The following LRP2 variants were observed in gnomAD, a reference collection of about 807,000 sequenced individuals.
The protein encoded by LRP2 is low-density lipoprotein receptor-related protein 2.
In LRP2, 172 loss-of-function variants were observed where a neutral mutation model predicts 531.0. The observed-to-expected ratio is 0.32, with a 90% CI of 0.29 to 0.37. The LOEUF (loss-of-function observed/expected upper bound fraction) is 0.37, where lower values mean the gene tolerates loss of function less well. Among genes scored for constraint, LRP2 ranks in the 10% least tolerant of loss-of-function variants. The probability of loss-of-function intolerance (pLI) is 1.00; values close to 1 mark genes in which losing one functional copy is unlikely to be tolerated. For missense variants in LRP2, 5,167 were observed against 5,868.3 expected (o/e 0.88, Z 3.90); for synonymous variants, 1,992 against 2,027.6 (o/e 0.98, Z 0.47).
At chr2:169,241,896 C>G (rs1689820867) in intron 24 of LRP2, among the ~76,000 whole-genome samples, 1 of 152,184 alleles carries the variant, frequency 6.6e-6, no homozygotes, top group South Asian at 2.1e-4. Context: ...CACTATTCAT[C>G]AAGCAATCCT....
In LRP2 at chr2:169,216,095, G is replaced by A. The variant is rs112163217; in HGVS notation, c.5826+158C>T. 8.5e-5 allele frequency among the ~76,000 whole-genome samples: 13 copies of A among 152,198 alleles called. 1 individual carries two copies. Among genetic ancestry groups the A allele is most frequent in the African/African-American group, 2.6e-4 (11 of 41,532 alleles). On this transcript the variant is annotated intron_variant, in intron 35 of 78. Transcript: ENST00000649046. Reference sequence around the variant, plus strand: ...TGGACTTCAGCTAGGGGCGAGGTACGTGCAAGGGAGAGAAGTTATTGGGAG... The same window carrying A: ...TGGACTTCAGCTAGGGGCGAGGTACATGCAAGGGAGAGAAGTTATTGGGAG...
At position 169,146,919 on chromosome 2, in the gene LRP2, C is replaced by G; in HGVS notation, c.12631G>C (p.Glu4211Gln). 1 of 1,613,960 alleles carries G rather than the reference C, an allele frequency of 6.2e-7. No individual in the cohort carries two copies. Among genetic ancestry groups the G allele is most frequent in the Non-Finnish European group, 8.5e-7 (1 of 1,179,950 alleles). ...WTDWGKEPKI[E>Q]SAWMNGEDRN... ...TCCTCTCCATTCATCCAGGCAGACT[C>G]GATTTTAGGTTCCTTTCCCCAGTCA... Residue 4211 changes from glutamate to glutamine, a missense_variant, in exon 69 of 79, where the codon GAG becomes CAG. Glu to Gln is a conservative substitution (Grantham distance 29, BLOSUM62 2). Around this residue, in one of 6 missense-constraint regions of LRP2, gnomAD observed 564 missense variants for 747.7 expected, o/e 0.75. Coordinates refer to ENST00000649046, the MANE Select transcript of LRP2 (RefSeq NM_004525.3).
In LRP2 at chr2:169,259,110, C is replaced by T. The variant is rs774516270; in HGVS notation, c.2428G>A (p.Val810Ile). Residue 810 changes from valine (V) to isoleucine (I), a missense_variant, in exon 17 of 79, where the codon GTC (valine) becomes ATC (isoleucine). Val to Ile is a conservative substitution (Grantham distance 29). Transcript: ENST00000649046. ...WTDSHYKSIS[V>I]MRLADKTRRT... ...CTCGTTTTATCAGCTAGCCTCATGA[C>T]ACTGATACTCTTGTAATGAGAGTCT... 1 of 1,613,096 alleles carries T rather than the reference C, an allele frequency of 6.2e-7. No homozygotes were observed. Among genetic ancestry groups the T allele is most frequent in the Non-Finnish European group, 8.5e-7 (1 of 1,179,294 alleles).
intron 4 of LRP2, among the ~76,000 whole-genome samples, chr2:169,302,843 A>T (rs912261123): frequency 1.3e-5 from 2 of 152,168 alleles, no homozygotes; most frequent in African/African-American, 4.8e-5. Context: ...TAACTTGAAC[A>T]TAAAGATTTT....
rs112435074 is a variant in LRP2 at position 169,198,817 on chromosome 2, T to G, written c.8547A>C (p.Gly2849=). 1.9e-6 allele frequency: 3 copies of G among 1,613,828 alleles called. No homozygotes were observed. The highest frequency in any genetic ancestry group is 2.5e-6 in the Non-Finnish European group (3 of 1,179,870). The part of the protein sequence containing the change: ...VYLCDGDNDC[G]DNSDENPTYC... Reference sequence around the variant, plus strand: ...AAGTAGGGTTTTCATCACTGTTATCTCCACAGTCATTGTCTCCGTCACACA... The same window carrying G: ...AAGTAGGGTTTTCATCACTGTTATCGCCACAGTCATTGTCTCCGTCACACA... The change falls in exon 45 of 79, where the codon GGA becomes GGC. Residue 2849 remains glycine, a synonymous_variant. Coordinates refer to ENST00000649046, the MANE Select transcript of LRP2 (RefSeq NM_004525.3).
At chr2:169,359,894 C>T (rs576549352) in intron 1 of LRP2, among the ~76,000 whole-genome samples, 22 of 152,086 alleles carry the variant, frequency 1.4e-4, no homozygotes, top group South Asian at 6.2e-4. Context: ...GAGGCCTAGG[C>T]GGGCAGATCA....
At position 169,138,637 on chromosome 2, in the gene LRP2, G is replaced by A. The variant is rs1558972456; in HGVS notation, c.13458C>T (p.Asn4486=). Residue 4486 remains asparagine, a synonymous_variant, in exon 75 of 79, where the codon AAC becomes AAT. Transcript: ENST00000649046. ...GVTFRSGADL[N]MDIGVSGFGP... ...CAAAACCAGACACTCCAATATCCAT[G>A]TTAAGATCTGCCCCTGATCTGAAGG... 6.2e-7 allele frequency: 1 copy of A among 1,613,956 alleles called. No homozygotes were observed. The highest frequency in any genetic ancestry group is 2.2e-5 in the East Asian group (1 of 44,882).
At chr2:169,346,391 T>A (rs951164699) in intron 1 of LRP2, among the ~76,000 whole-genome samples, 1 of 152,132 alleles carries the variant, frequency 6.6e-6, no homozygotes, top group East Asian at 1.9e-4. Context: ...GAACCAAATA[T>A]TAGGGAAGAA....
intron 29 of LRP2, among the ~76,000 whole-genome samples, chr2:169,234,247 T>C (rs1689520357): frequency 1.3e-5 from 2 of 152,062 alleles, no homozygotes; most frequent in African/African-American, 4.8e-5. Context: ...ATCATCTAGG[T>C]TTTAACCCTC....
chr2:169,319,462 T>G (rs895691829), intron 2 of LRP2, among the ~76,000 whole-genome samples: 3 of 152,238 alleles, frequency 2.0e-5, no homozygotes, highest in African/African-American at 4.8e-5. Flanking sequence ...TTACTTGCTA[T>G]CACTATCGTC....
chr2:169,143,847 G>C (rs1685815528), intron 70 of LRP2, among the ~76,000 whole-genome samples: 1 of 152,124 alleles, frequency 6.6e-6, no homozygotes, highest in African/African-American at 2.4e-5. Context: ...TTCCTTCTCA[G>C]ACTAACATTC....
At chr2:169,298,105 T>C (rs775650047) in intron 4 of LRP2, among the ~76,000 whole-genome samples, 15 of 152,122 alleles carry the variant, frequency 9.9e-5, no homozygotes, top group Admixed American at 6.5e-5. Flanking sequence ...GACAGATTAA[T>C]CCAGTCAATG....
chr2:169,240,998 G>A lies in LRP2; in HGVS notation c.4035C>T (p.Ser1345=), dbSNP rs200587303. 1.3e-4 allele frequency: 211 copies of A among 1,612,910 alleles called. No homozygotes were observed. The highest frequency in any genetic ancestry group is 1.6e-4 in the Non-Finnish European group (193 of 1,180,032). The part of the protein sequence containing the change: ...IFDCPNGTDE[S]PLCNGNSCSD... ...GGTCAGGAAACTTACTGCAAAGTGG[G>A]GACTCATCTGTCCCATTGGGGCAGT... is the stretch of plus-strand genomic sequence containing the variant. Residue 1345 remains serine (S), a synonymous_variant, in exon 25 of 79, where the codon TCC becomes TCT. Transcript: ENST00000649046.
rs560291366 is a variant in LRP2, at chr2:169,314,148, C to T, written c.310+4614G>A. ...GCACAGTGGCTCGTGCCTTTAATCCCAGCTATGGGAGATTGAGGCAAGAAG... is the reference window on the plus strand; with the variant it reads ...GCACAGTGGCTCGTGCCTTTAATCCTAGCTATGGGAGATTGAGGCAAGAAG... On this transcript the variant is annotated intron_variant, in intron 3 of 78. Coordinates refer to ENST00000649046, the MANE Select transcript of LRP2 (RefSeq NM_004525.3). 6.6e-5 allele frequency among the ~76,000 whole-genome samples: 10 copies of T among 152,012 alleles called. No homozygotes were observed. In the South Asian group the frequency reaches 2.1e-3, roughly 32 times the overall value.
chr2:169,203,193 G>A (rs916756565), intron 42 of LRP2, among the ~76,000 whole-genome samples: 1 of 152,124 alleles, frequency 6.6e-6, no homozygotes, highest in Non-Finnish European at 1.5e-5. Context: ...AAATATCAAC[G>A]ACTCTTCTCA....
chr2:169,343,550 T>A (rs1574275589), intron 1 of LRP2, among the ~76,000 whole-genome samples: 1 of 152,292 alleles, frequency 6.6e-6, no homozygotes, highest in East Asian at 1.9e-4. Context: ...GTTCACAATA[T>A]CCTTTAAATA....
intron 9 of LRP2, among the ~76,000 whole-genome samples, chr2:169,286,675 G>A (rs1683866465): frequency 6.6e-6 from 1 of 152,120 alleles, no homozygotes; most frequent in Non-Finnish European, 1.5e-5. Context: ...TGTTATCTGG[G>A]CTCTAGGGTG....
In LRP2 at chr2:169,290,420, G is replaced by A. The variant is rs547751909; in HGVS notation, c.922+425C>T. Reference sequence around the variant, plus strand: ...TGTGTGTGCGTTAGGGATTAGGAACGGGGAGTTGCTAAAAAATTGTTAGGC... The same window carrying A: ...TGTGTGTGCGTTAGGGATTAGGAACAGGGAGTTGCTAAAAAATTGTTAGGC... On this transcript the variant is annotated intron_variant, in intron 8 of 78. Coordinates refer to ENST00000649046, the MANE Select transcript of LRP2 (RefSeq NM_004525.3). 1.2e-4 allele frequency among the ~76,000 whole-genome samples: 19 copies of A among 152,042 alleles called. No individual in the cohort carries two copies. The East Asian group carries it at 2.3e-3, about 19-fold the overall frequency.
At chr2:169,256,341 A>G (rs980518413) in intron 18 of LRP2, 105 bp from the exon 19 acceptor site, 67 of 825,022 alleles carry the variant, frequency 8.1e-5, no homozygotes, top group Non-Finnish European at 1.2e-4. Context: ...CATTTATTAA[A>G]CAAAGTTTTT....
Sources: allele counts gnomAD v4.1 joint callset (sites outside exome capture counted in the v4.1 genomes callset), GRCh38; gene constraint gnomAD v4.1.1; regional missense constraint gnomAD v4.1.1; transcripts MANE v1.5; gene names NCBI Gene and HGNC (gene_info 2026-07-23, HGNC 2026-07-21).